The following KANSL1 variants were observed in gnomAD, a reference collection of about 807,000 sequenced individuals.
KANSL1 encodes KAT8 regulatory NSL complex subunit 1, also known as MLL1/MLL complex subunit KANSL1.
A neutral mutation model predicts 103.6 loss-of-function variants in KANSL1; 22 were observed. The observed-to-expected ratio is 0.21, with a 90% CI of 0.15 to 0.30. KANSL1 has a LOEUF of 0.30. Among genes scored for constraint, KANSL1 ranks in the 10% least tolerant of loss-of-function variants. The pLI, the probability that KANSL1 is intolerant of heterozygous loss-of-function variation, is 1.00. For synonymous variants in KANSL1, 600 were observed against 527.6 expected (o/e 1.14, Z -1.88); for missense variants, 1,337 against 1,399.8 (o/e 0.96, Z 0.72).
intron 6 of KANSL1, among the ~76,000 whole-genome samples, chr17:46,059,300 C>A (rs2078061316): frequency 6.6e-6 from 1 of 151,858 alleles, no homozygotes; most frequent in Non-Finnish European, 1.5e-5. Context: ...CGTGAGGAGA[C>A]TAGAATTAGA....
intron 4 of KANSL1, among the ~76,000 whole-genome samples, chr17:46,071,515 C>T (rs1377705822): frequency 6.6e-6 from 1 of 152,180 alleles, no homozygotes; most frequent in Non-Finnish European, 1.5e-5. Context: ...TCCTTAAATG[C>T]AGGCACTCTC....
chr17:46,174,133 G>A (rs1031091056), intron 1 of KANSL1, among the ~76,000 whole-genome samples: 2 of 115,672 alleles, frequency 1.7e-5, no homozygotes, highest in Non-Finnish European at 4.6e-5. Flanking sequence ...TTGAAAACTT[G>A]TATCAACAAT....
At chr17:46,111,499 C>T (rs2042802808) in intron 2 of KANSL1, among the ~76,000 whole-genome samples, 1 of 152,092 alleles carries the variant, frequency 6.6e-6, no homozygotes, top group African/African-American at 2.4e-5. Flanking sequence ...CATGATCCAC[C>T]GTGCCCAACC....
intron 6 of KANSL1, among the ~76,000 whole-genome samples, chr17:46,052,032 G>GA (rs112384186): frequency 0.15 from 22,159 of 149,668 alleles, 2,168 homozygotes; most frequent in Non-Finnish European, 0.22. Context: ...ATTGTTTTGG[G>GA]AAAAAAAAAA....
intron 6 of KANSL1, among the ~76,000 whole-genome samples, chr17:46,062,355 CTTTTTT>C (rs34577730): frequency 1.2e-4 from 11 of 95,470 alleles, no homozygotes; most frequent in African/African-American, 4.1e-4. Flanking sequence ...ATAACAACAG[CTTTTTT>C]TTTTTTTTTT....
intron 2 of KANSL1, among the ~76,000 whole-genome samples, chr17:46,144,772 A>G (rs2191155): frequency 0.95 from 144,182 of 152,266 alleles, 68,269 homozygotes; most frequent in East Asian, 1. Context: ...CCTCACAAAC[A>G]AATGATGATG....
intron 1 of KANSL1, among the ~76,000 whole-genome samples, chr17:46,179,030 C>T (rs912688881): frequency 2.0e-5 from 3 of 152,206 alleles, no homozygotes; most frequent in Non-Finnish European, 4.4e-5. Flanking sequence ...TGACATCTCA[C>T]GATGAGTAAT....
At chr17:46,104,048 A>T (rs2042429797) in intron 2 of KANSL1, among the ~76,000 whole-genome samples, 1 of 151,986 alleles carries the variant, frequency 6.6e-6, no homozygotes, top group Non-Finnish European at 1.5e-5. Context: ...AAACAAACAA[A>T]CAACCTTTAG....
chr17:46,117,827 T>A (rs533131449), intron 2 of KANSL1, among the ~76,000 whole-genome samples: 1 of 152,346 alleles, frequency 6.6e-6, no homozygotes, highest in East Asian at 1.9e-4. Flanking sequence ...CACAAAGATT[T>A]ACAGATTTCT....
chr17:46,134,817 C>G (rs997321331), intron 2 of KANSL1, among the ~76,000 whole-genome samples: 1 of 152,054 alleles, frequency 6.6e-6, no homozygotes, highest in African/African-American at 2.4e-5. Context: ...TGCACTCCAG[C>G]CTGGGCAACA....
At chr17:46,160,613 C>G (rs1397302604) in intron 2 of KANSL1, among the ~76,000 whole-genome samples, 1 of 152,156 alleles carries the variant, frequency 6.6e-6, no homozygotes, top group Admixed American at 6.5e-5. Context: ...AACTTCTACT[C>G]CACAAAAGAA....
At chr17:46,061,415 T>C (rs991593025) in intron 6 of KANSL1, among the ~76,000 whole-genome samples, 14 of 152,084 alleles carry the variant, frequency 9.2e-5, no homozygotes, top group African/African-American at 3.4e-4. Flanking sequence ...ACTTAGGCAC[T>C]GGGCCAGGAA....
At chr17:46,051,750 G>A (rs1036146075) in intron 6 of KANSL1, among the ~76,000 whole-genome samples, 2 of 152,178 alleles carry the variant, frequency 1.3e-5, no homozygotes, top group African/African-American at 2.4e-5. Context: ...AACTCTACTA[G>A]CAAAAACTCT....
chr17:46,142,643 T>C lies in KANSL1; in HGVS notation c.1289+28212A>G, dbSNP rs1052079546. On this transcript the variant is annotated intron_variant, in intron 2 of 14. Coordinates refer to ENST00000432791, the MANE Select transcript of KANSL1 (RefSeq NM_015443.4). Reference sequence around the variant, plus strand: ...CAAAACAAAACAAAACATTACAACATATGAGAATGTTCAACTTCACTAATA... The same window carrying C: ...CAAAACAAAACAAAACATTACAACACATGAGAATGTTCAACTTCACTAATA... Among the ~76,000 whole-genome samples the C allele has an allele frequency of 7.9e-5, 12 of 152,346 alleles. No homozygotes were observed. The East Asian group carries it at 2.3e-3, about 29-fold the overall frequency.
intron 2 of KANSL1, among the ~76,000 whole-genome samples, chr17:46,150,809 T>G (rs1220084299): frequency 6.6e-6 from 1 of 152,178 alleles, no homozygotes; most frequent in Non-Finnish European, 1.5e-5. Flanking sequence ...GAAACAGATG[T>G]TACCACTGCC....
chr17:46,171,476 T>C lies in KANSL1; in HGVS notation c.668A>G (p.Tyr223Cys). Residue 223 changes from tyrosine to cysteine, a missense_variant, in exon 2 of 15, where the codon TAT (tyrosine) becomes TGT (cysteine). Physicochemically the swap from Tyr to Cys is radical, Grantham distance 194 (BLOSUM62 -2). Transcript: ENST00000432791. ...TTTGTTTGCAGTGCTATTATTGCTATACAAAGTTGTGTGTTCTACATCAAG... is the reference window on the plus strand; with the variant it reads ...TTTGTTTGCAGTGCTATTATTGCTACACAAAGTTGTGTGTTCTACATCAAG... ...RSLDVEHTTL[Y>C]SNNSTANKSS... 2 of 1,614,168 alleles carry C rather than the reference T, an allele frequency of 1.2e-6. No homozygotes were observed. The highest frequency in any genetic ancestry group is 1.7e-6 in the Non-Finnish European group (2 of 1,180,042).
chr17:46,199,395 T>C (rs2047720807), intron 1 of KANSL1, among the ~76,000 whole-genome samples: 1 of 152,244 alleles, frequency 6.6e-6, no homozygotes, highest in African/African-American at 2.4e-5. Flanking sequence ...ATCCTCATAC[T>C]GATTACAATG....
chr17:46,091,701 G>T (rs191188096), intron 3 of KANSL1, among the ~76,000 whole-genome samples: 1 of 152,122 alleles, frequency 6.6e-6, no homozygotes, highest in African/African-American at 2.4e-5. Context: ...CAGTATAGTA[G>T]CATGATGTAC....
chr17:46,155,855 C>T (rs2045396232), intron 2 of KANSL1, among the ~76,000 whole-genome samples: 1 of 152,110 alleles, frequency 6.6e-6, no homozygotes, highest in East Asian at 1.9e-4. Flanking sequence ...ATTACTTAAG[C>T]CCAGGAGTCT....
Sources: gnomAD v4.1 joint callset for allele counts (sites outside exome capture counted in the v4.1 genomes callset) on GRCh38, gnomAD v4.1.1 for gene constraint, MANE v1.5 for transcripts, NCBI Gene and HGNC (gene_info 2026-07-23, HGNC 2026-07-21) for gene names.